Variants in RAB3GAP1 observed in about 807,000 individuals in gnomAD.
RAB3GAP1 encodes rab3 GTPase-activating protein catalytic subunit.
RAB3GAP1 carries 86 observed loss-of-function variants against 130.7 expected under a neutral mutation model. That is an observed-to-expected ratio of 0.66 (90% CI 0.55 to 0.79). The LOEUF (loss-of-function observed/expected upper bound fraction) is 0.79, where lower values mean the gene tolerates loss of function less well. RAB3GAP1 is among the 30% of genes least tolerant of loss of function. The pLI is 0.00. For synonymous variants in RAB3GAP1, 367 were observed against 401.7 expected, an observed-to-expected ratio of 0.91 and a Z score of 1.03; for missense variants, 1,029 against 1,169.4, an observed-to-expected ratio of 0.88 and a Z score of 1.75.
At chr2:135,137,748 A>C (rs1366846419) in intron 17 of RAB3GAP1, among the ~76,000 whole-genome samples, 1 of 152,206 alleles carries the variant, frequency 6.6e-6, no homozygotes, top group Non-Finnish European at 1.5e-5. Context: ...AGTCATATAC[A>C]CCATTAGGAT....
rs756187489 is a variant in RAB3GAP1, at chr2:135,164,560, T to C, written c.2607-34T>C. The C allele has an allele frequency of 5.2e-6, 8 of 1,536,768 alleles. No homozygotes were observed. In the African/African-American group the frequency reaches 1.1e-4, roughly 21 times the overall value. On this transcript the variant is annotated intron_variant, in intron 22 of 23. Transcript: ENST00000264158. ...CGCCCAGTGGCCTGGACAGCTCACT[T>C]TCCACCCTTTCATTGCCTGTCTCTG...
At chr2:135,059,017 A>G (rs1574073425) in intron 3 of RAB3GAP1, 1 of 152,232 alleles carries the variant, frequency 6.6e-6, no homozygotes, top group East Asian at 1.9e-4. Flanking sequence ...GTCAAAATGC[A>G]TTAGGAAGCC....
chr2:135,153,529 T>C, intron 18 of RAB3GAP1, 120 bp from the exon 19 acceptor site: 1 of 895,756 alleles, frequency 1.1e-6, no homozygotes, highest in Non-Finnish European at 1.8e-6. Flanking sequence ...CCAAATTCAT[T>C]TTACATATTA....
intron 3 of RAB3GAP1, among the ~76,000 whole-genome samples, chr2:135,059,520 A>G (rs1478835871): frequency 6.6e-6 from 1 of 152,148 alleles, no homozygotes; most frequent in Non-Finnish European, 1.5e-5. Flanking sequence ...TTTTAAATTG[A>G]TATATGATAG....
intron 5 of RAB3GAP1, 81 bp downstream of exon 5, chr2:135,093,774 C>A: frequency 1.8e-6 from 2 of 1,089,380 alleles, no homozygotes; most frequent in Non-Finnish European, 2.8e-6. Context: ...CAGTGATTTG[C>A]TAAGAAGACT....
chr2:135,144,991 G>A (rs1691953975), intron 17 of RAB3GAP1, among the ~76,000 whole-genome samples: 1 of 152,172 alleles, frequency 6.6e-6, no homozygotes, highest in Non-Finnish European at 1.5e-5. Flanking sequence ...CTATTGTAGA[G>A]TAACAGTGGT....
chr2:135,126,070 A>G (rs1221521682), intron 9 of RAB3GAP1, 111 bp from the exon 10 acceptor site: 2 of 802,682 alleles, frequency 2.5e-6, no homozygotes, highest in African/African-American at 3.5e-5. Flanking sequence ...GTTGTATTAT[A>G]AATAATGCCA....
chr2:135,123,769 A>G (rs1691268463), intron 8 of RAB3GAP1, among the ~76,000 whole-genome samples: 1 of 152,212 alleles, frequency 6.6e-6, no homozygotes. Context: ...GAAATTACTG[A>G]TAGCAAAACT....
chr2:135,174,651 A>G (rs941198299), downstream of RAB3GAP1, among the ~76,000 whole-genome samples: 19 of 152,162 alleles, frequency 1.2e-4, no homozygotes, highest in African/African-American at 4.3e-4. Flanking sequence ...TCTCAGCCCT[A>G]TTTTGGCCCA....
chr2:135,053,807 A>G (rs1329917893), intron 2 of RAB3GAP1, among the ~76,000 whole-genome samples: 2 of 152,156 alleles, frequency 1.3e-5, no homozygotes, highest in African/African-American at 2.4e-5. Context: ...AGTTGGTACT[A>G]CCTGTAAAAA....
chr2:135,104,813 CA>C (rs1690545582), intron 5 of RAB3GAP1, among the ~76,000 whole-genome samples: 1 of 152,134 alleles, frequency 6.6e-6, no homozygotes. Flanking sequence ...CACTTGAACC[CA>C]GGAGGCGGAG....
intron 17 of RAB3GAP1, among the ~76,000 whole-genome samples, chr2:135,147,589 C>A (rs1282999850): frequency 6.6e-6 from 1 of 151,440 alleles, no homozygotes; most frequent in Non-Finnish European, 1.5e-5. Context: ...CTTTCTCCTT[C>A]CAGATTTTAA....
In RAB3GAP1 at chr2:135,064,741, T is replaced by C. The variant is rs74468029; in HGVS notation, c.150+6655T>C. On this transcript the variant is annotated intron_variant, in intron 3 of 23. Transcript: ENST00000264158. ...ATTTTCCTGTTTCGTTTTGTTTTTT[T>C]CCTGAGGTGTTTTGTTTTTTTTTTT... Among the ~76,000 whole-genome samples, 1,425 of 150,072 alleles carry C rather than the reference T, an allele frequency of 9.5e-3. 22 individuals carry two copies. The highest frequency in any genetic ancestry group is 0.033 in the African/African-American group (1,357 of 41,022).
intron 17 of RAB3GAP1, among the ~76,000 whole-genome samples, chr2:135,141,979 CT>C (rs1473447089): frequency 6.6e-6 from 1 of 152,222 alleles, no homozygotes; most frequent in Non-Finnish European, 1.5e-5. Context: ...TAGTGTAAAT[CT>C]TCTAACTTTG....
In RAB3GAP1 at chr2:135,135,571, ATTG is replaced by A. The variant is rs1374285900; in HGVS notation, c.1567_1569del (p.Cys523del). The A allele has an allele frequency of 1.3e-6, 2 of 1,599,104 alleles. No individual in the cohort carries two copies. The highest frequency in any genetic ancestry group is 1.7e-6 in the Non-Finnish European group (2 of 1,170,150). On this transcript the variant is annotated inframe_deletion, in exon 17 of 24. Coordinates refer to ENST00000264158, the MANE Select transcript of RAB3GAP1 (RefSeq NM_012233.3). The stretch of plus-strand genomic sequence containing the variant: ...TATTTCTCTTTTCTTAAGATGTTAA[ATTG>A]TTGTATTGAAAGAAAGAAGGCACGT...
At position 135,168,844 on chromosome 2, in the gene RAB3GAP1, G is replaced by C; in HGVS notation, c.*63G>C. The C allele has an allele frequency of 4.1e-6, 6 of 1,454,272 alleles. No homozygotes were observed. Among genetic ancestry groups the C allele is most frequent in the Non-Finnish European group, 5.8e-6 (6 of 1,036,324 alleles). 90.1% of individuals were successfully genotyped at this position (1,454,272 alleles called of 1,614,324 possible). A position where few individuals can be genotyped will look rare whatever the true frequency, so the allele number is the denominator to read the frequency against. On this transcript the variant is annotated 3_prime_UTR_variant, in exon 24 of 24. Coordinates refer to ENST00000264158, the MANE Select transcript of RAB3GAP1 (RefSeq NM_012233.3). ...TGCTGCCTCCTCCTGAGGGAGGGAA[G>C]GTACCAGGGAGAACCTGGGAGGTCC... is the stretch of plus-strand genomic sequence containing the variant.
At chr2:135,105,357 G>A (rs967563573) in intron 5 of RAB3GAP1, among the ~76,000 whole-genome samples, 27 of 151,416 alleles carry the variant, frequency 1.8e-4, no homozygotes, top group Non-Finnish European at 4.4e-5. Flanking sequence ...TCAGCCTGCC[G>A]AGTGCCTGGG....
intron 23 of RAB3GAP1, among the ~76,000 whole-genome samples, chr2:135,167,284 G>A (rs1463256177): frequency 6.6e-6 from 1 of 152,002 alleles, no homozygotes; most frequent in Non-Finnish European, 1.5e-5. Context: ...ATGGAATTCA[G>A]CAAATAAATG....
At chr2:135,174,631 C>G (rs1310275902), downstream of RAB3GAP1, among the ~76,000 whole-genome samples, 1 of 152,238 alleles carries the variant, frequency 6.6e-6, no homozygotes. Flanking sequence ...TGTTTGTTCA[C>G]ATTCCTCTTT....
Sources: allele counts gnomAD v4.1 joint callset (sites outside exome capture counted in the v4.1 genomes callset), GRCh38; gene constraint gnomAD v4.1.1; transcripts MANE v1.5; gene names NCBI Gene and HGNC (gene_info 2026-07-23, HGNC 2026-07-21).